Variants in RPAP1 observed in about 807,000 individuals in gnomAD.
RPAP1 encodes the protein RNA polymerase II-associated protein 1.
In RPAP1, 109 loss-of-function variants were observed where a neutral mutation model predicts 142.4. That is an observed-to-expected ratio of 0.77 (90% CI 0.66 to 0.90). The LOEUF is 0.90. RPAP1 is among the 40% of genes least tolerant of loss of function. The pLI is 0.00. For synonymous variants in RPAP1, 704 were observed against 738.9 expected (o/e 0.95, Z 0.77); for missense variants, 1,546 against 1,751.7 (o/e 0.88, Z 2.10).
At chr15:41,520,340 C>A in intron 22 of RPAP1, 51 bp downstream of exon 22, 2 of 1,601,526 alleles carry the variant, frequency 1.2e-6, no homozygotes, top group East Asian at 2.3e-5. Flanking sequence ...GGACTGCCCC[C>A]GAGGCCCAGT....
At chr15:41,526,484 C>A (rs932114467) in intron 14 of RPAP1, among the ~76,000 whole-genome samples, 11 of 152,082 alleles carry the variant, frequency 7.2e-5, no homozygotes, top group African/African-American at 2.4e-4. Context: ...AACTCTTGGC[C>A]CCAAGTGATC....
chr15:41,530,598 C>T (rs1278002783), intron 7 of RPAP1, among the ~76,000 whole-genome samples: 3 of 152,206 alleles, frequency 2.0e-5, no homozygotes. Flanking sequence ...TCTGGTCTGG[C>T]ATGTTCATAA....
Position 41,520,511 on chromosome 15 carries a change from G to A in RPAP1, c.3675C>T (p.Asp1225=). 3 of 1,614,100 alleles carry A rather than the reference G, an allele frequency of 1.9e-6. No individual in the cohort carries two copies. Among genetic ancestry groups the A allele is most frequent in the Non-Finnish European group, 2.5e-6 (3 of 1,179,990 alleles). ...GGAGGACCAGGGCCCCAAAGAGGTG[G>A]TCCCCAAAAGAGACAGCCTCAAAAT... ...LDHFEAVSFG[D]HLFGALVLLP... is the part of the protein sequence containing the mutation. Residue 1225 remains aspartate, a synonymous_variant, in exon 22 of 25, where the codon GAC becomes GAT. Transcript: ENST00000304330.
chr15:41,537,149 A>C lies in RPAP1; in HGVS notation c.-24T>G. ...ATCTTGCTGCTCCAGCTGCCTCCCC[A>C]GTACGACTCTCTCCAGCAGTGTCTC... On this transcript the variant is annotated 5_prime_UTR_variant, in exon 2 of 25. Coordinates refer to ENST00000304330, the MANE Select transcript of RPAP1 (RefSeq NM_015540.4). 6.2e-7 allele frequency: 1 copy of C among 1,607,814 alleles called. No individual in the cohort carries two copies. Among genetic ancestry groups the C allele is most frequent in the Non-Finnish European group, 8.5e-7 (1 of 1,176,832 alleles).
At chr15:41,528,825 G>T (rs1349752997) in intron 9 of RPAP1, among the ~76,000 whole-genome samples, 3 of 152,138 alleles carry the variant, frequency 2.0e-5, no homozygotes, top group African/African-American at 7.2e-5. Context: ...GTGAGCAGAG[G>T]GAAGCTGGGA....
intron 22 of RPAP1, 180 bp downstream of exon 22, chr15:41,520,211 G>A (rs780338822): frequency 2.9e-6 from 2 of 679,530 alleles, no homozygotes; most frequent in East Asian, 5.5e-5. Context: ...TGGAATTACA[G>A]GCGTGAGCCA....
Position 41,531,151 on chromosome 15 carries a change from G to C in RPAP1, c.815C>G (p.Thr272Arg), listed in dbSNP as rs1445952128. 3.7e-6 allele frequency: 6 copies of C among 1,613,880 alleles called. No individual in the cohort carries two copies. The Admixed American group carries it at 6.7e-5, about 18-fold the overall frequency. The change falls in exon 7 of 25, where the codon ACA (threonine) becomes AGA (arginine). Residue 272 changes from threonine (T) to arginine (R), a missense_variant. By Grantham distance (71) the Thr-to-Arg change is moderately conservative (BLOSUM62 -1). Coordinates refer to ENST00000304330, the MANE Select transcript of RPAP1 (RefSeq NM_015540.4). The stretch of plus-strand genomic sequence containing the variant: ...CTGCTCCTCAGAGGCTGTCTCTCCT[G>C]TTTGCTCTTGCGTGTGGCTGTGAGA... Reference protein sequence around the residue: ...LRSHSHTQEQTGETASEEQRP... With the variant: ...LRSHSHTQEQRGETASEEQRP...
At position 41,526,912 on chromosome 15, in the gene RPAP1, T is replaced by A; in HGVS notation, c.1903A>T (p.Ile635Phe). 6.2e-7 allele frequency: 1 copy of A among 1,612,714 alleles called. No homozygotes were observed. Among genetic ancestry groups the A allele is most frequent in the Non-Finnish European group, 8.5e-7 (1 of 1,178,998 alleles). ...LRVLASAGRN[I>F]AARLLSSFDL... is the part of the protein sequence containing the mutation. ...GTCCTGCTCACCAGCCGGGCAGCAA[T>A]ATTCCTCCCAGCTGAGGCCAGGACA... is the stretch of plus-strand genomic sequence containing the variant. The change falls in exon 14 of 25, where the codon ATT becomes TTT. Residue 635 changes from isoleucine to phenylalanine, a missense_variant. Coordinates refer to ENST00000304330, the MANE Select transcript of RPAP1 (RefSeq NM_015540.4).
rs143933505 is a variant in RPAP1, at chr15:41,523,600, A to G, written c.2436+171T>C. Among the ~76,000 whole-genome samples, 302 of 152,330 alleles carry G rather than the reference A, an allele frequency of 2.0e-3. 4 individuals are homozygous for G. The Middle Eastern group carries it at 0.024, about 12-fold the overall frequency. ...GTCCCCACCAACATGGCTCCTGGGAAGCTCCACGGGGATATGGAGGTAGAA... is the reference window on the plus strand; with the variant it reads ...GTCCCCACCAACATGGCTCCTGGGAGGCTCCACGGGGATATGGAGGTAGAA... On this transcript the variant is annotated intron_variant, in intron 17 of 24. Coordinates refer to ENST00000304330, the MANE Select transcript of RPAP1 (RefSeq NM_015540.4).
In RPAP1 at chr15:41,522,162, G is replaced by A. The variant is rs1314120253; in HGVS notation, c.2831C>T (p.Ser944Phe). 2 of 1,613,950 alleles carry A rather than the reference G, an allele frequency of 1.2e-6. No individual in the cohort carries two copies. The highest frequency in any genetic ancestry group is 1.7e-6 in the Non-Finnish European group (2 of 1,180,026). Reference sequence around the variant, plus strand: ...GTACTCATGGCGCAGGGCCCATGCAGAGAAAGGTGTGAGGTGTGGGGCAGC... The same window carrying A: ...GTACTCATGGCGCAGGGCCCATGCAAAGAAAGGTGTGAGGTGTGGGGCAGC... ...PGAAPHLTPF[S>F]AWALRHEYHL... is the part of the protein sequence containing the mutation. The change falls in exon 20 of 25, where the codon TCT (serine) becomes TTT (phenylalanine). Residue 944 changes from serine (S) to phenylalanine (F), a missense_variant. Around this residue, in one of 3 missense-constraint regions of RPAP1, gnomAD observed 1,333 missense variants for 1,486.6 expected, o/e 0.90. Transcript: ENST00000304330.
chr15:41,540,531 C>G (rs1276148194), intron 1 of RPAP1, among the ~76,000 whole-genome samples: 1 of 152,208 alleles, frequency 6.6e-6, no homozygotes, highest in Non-Finnish European at 1.5e-5. Flanking sequence ...GAACTCCCGA[C>G]CTCAGGTGAT....
Position 41,528,241 on chromosome 15 carries a change from G to A in RPAP1, c.1254C>T (p.Ile418=), listed in dbSNP as rs752326644. 1.2e-6 allele frequency: 2 copies of A among 1,605,944 alleles called. No homozygotes were observed. The highest frequency in any genetic ancestry group is 3.4e-5 in the Admixed American group (2 of 58,982). ...AGGCTGGCAATCCACTCACCCTGCT[G>A]ATGACCTGGGCTAACACATGCAGTG... ...ALALHVLAQV[I]SRAQAGEFGD... is the part of the protein sequence containing the mutation. The change falls in exon 10 of 25, where the codon ATC becomes ATT. Residue 418 remains isoleucine, a synonymous_variant. Transcript: ENST00000304330.
chr15:41,529,490 G>T lies in RPAP1; in HGVS notation c.1138C>A (p.His380Asn). ...CTCACCTCTGCCTCCTCTCCATGGT[G>T]GTGCAGACCCAGGTGGGTGGGCAGG... ...VDLPTHLGLH[H>N]HGEEAERAGY... Residue 380 changes from histidine (H) to asparagine (N), a missense_variant, in exon 9 of 25, where the codon CAC becomes AAC. Coordinates refer to ENST00000304330, the MANE Select transcript of RPAP1 (RefSeq NM_015540.4). 3 of 1,612,882 alleles carry T rather than the reference G, an allele frequency of 1.9e-6. 1 individual carries two copies. Among genetic ancestry groups the T allele is most frequent in the Middle Eastern group, 3.3e-4 (2 of 6,046 alleles).
rs868404280 is a variant in RPAP1, at chr15:41,531,604, T to C, written c.764-402A>G. 1.1e-3 allele frequency among the ~76,000 whole-genome samples: 52 copies of C among 47,584 alleles called. 1 individual carries two copies. The highest frequency in any genetic ancestry group is 7.0e-3 in the East Asian group (11 of 1,568). 31.2% of individuals were successfully genotyped at this position (47,584 alleles called of 152,430 possible). The stretch of plus-strand genomic sequence containing the variant: ...TAATTTATTTATGCACACACACATA[T>C]ATATATATATATATATATATATATT... On this transcript the variant is annotated intron_variant, in intron 6 of 24. Transcript: ENST00000304330.
At chr15:41,520,173 A>C in intron 22 of RPAP1, 1 of 579,248 alleles carries the variant, frequency 1.7e-6, no homozygotes, top group East Asian at 3.0e-5. Flanking sequence ...ACCTTAAGTG[A>C]TCCACCCACC....
chr15:41,535,070 T>G, intron 5 of RPAP1, 135 bp from the exon 6 acceptor site: 1 of 778,156 alleles, frequency 1.3e-6, no homozygotes, highest in Non-Finnish European at 2.0e-6. Flanking sequence ...GAGACCCCAC[T>G]GGGTCTGGCA....
At chr15:41,517,885 C>G in intron 23 of RPAP1, 28 bp from the exon 24 acceptor site, 1 of 1,614,080 alleles carries the variant, frequency 6.2e-7, no homozygotes. Flanking sequence ...AGAGGTGGCA[C>G]TGAGCCGAGG....
intron 6 of RPAP1, among the ~76,000 whole-genome samples, chr15:41,531,940 C>A (rs1303789190): frequency 6.6e-6 from 1 of 151,944 alleles, no homozygotes; most frequent in African/African-American, 2.4e-5. Context: ...ACCACAGCCT[C>A]AAACTCCTGG....
chr15:41,528,347 G>T lies in RPAP1; in HGVS notation c.1159-11C>A. ...GGAATACCCCGCTCTCTGGGGCAGG[G>T]ACAAGAAGTCAGAAGCAGCCAGGAT... is the stretch of plus-strand genomic sequence containing the variant. On this transcript the variant is annotated splice_polypyrimidine_tract_variant and intron_variant, in intron 9 of 24. Transcript: ENST00000304330. 6.4e-7 allele frequency: 1 copy of T among 1,569,918 alleles called. No homozygotes were observed. The highest frequency in any genetic ancestry group is 8.7e-7 in the Non-Finnish European group (1 of 1,154,822).
Sources: allele counts gnomAD v4.1 joint callset (sites outside exome capture counted in the v4.1 genomes callset), GRCh38; gene constraint gnomAD v4.1.1; regional missense constraint gnomAD v4.1.1; transcripts MANE v1.5; gene names NCBI Gene and HGNC (gene_info 2026-07-23, HGNC 2026-07-21).